Variants in TNRC6A observed in about 807,000 individuals in gnomAD.
The protein encoded by TNRC6A is trinucleotide repeat-containing gene 6A protein.
A neutral mutation model predicts 221.2 loss-of-function variants in TNRC6A; 44 were observed. The ratio of observed to expected loss-of-function variants is 0.20; its 90% CI spans 0.16 to 0.26. The LOEUF (loss-of-function observed/expected upper bound fraction) is 0.26. Ranked by LOEUF, TNRC6A falls within the 10% of genes least tolerant of loss-of-function variation. The probability of loss-of-function intolerance (pLI) is 1.00; values close to 1 mark genes in which losing one functional copy is unlikely to be tolerated. For missense variants in TNRC6A, 2,199 were observed against 2,404.4 expected (o/e 0.91, Z 1.79); for synonymous variants, 847 against 838.5 (o/e 1.01, Z -0.18).
In TNRC6A at chr16:24,791,706, T is replaced by A; in HGVS notation, c.3064T>A (p.Trp1022Arg). The change falls in exon 6 of 25, where the codon TGG (tryptophan) becomes AGG (arginine). Residue 1022 changes from tryptophan (W) to arginine (R), a missense_variant. Physicochemically the swap from Trp to Arg is moderately radical, Grantham distance 101 (BLOSUM62 -3). Around this residue, in one of 8 missense-constraint regions of TNRC6A, gnomAD observed 1,405 missense variants for 1,400.2 expected, o/e 1.00. Transcript: ENST00000395799. ...ATACAACTACAAAAATGTGAACATG[T>A]GGAACAAAAACGTCCCAAATGGCAA... The part of the protein sequence containing the change: ...SKYNYKNVNM[W>R]NKNVPNGNSR... The A allele has an allele frequency of 6.2e-7, 1 of 1,613,706 alleles. No homozygotes were observed. Among genetic ancestry groups the A allele is most frequent in the Non-Finnish European group, 8.5e-7 (1 of 1,179,870 alleles).
chr16:24,808,376 A>G (rs1431086132), intron 17 of TNRC6A, among the ~76,000 whole-genome samples: 1 of 152,192 alleles, frequency 6.6e-6, no homozygotes, highest in African/African-American at 2.4e-5. Flanking sequence ...CCTGTTGGCC[A>G]AATTTGGCCC....
At chr16:24,614,720 C>A (rs978030572) in intron 1 of TNRC6A, among the ~76,000 whole-genome samples, 2 of 152,156 alleles carry the variant, frequency 1.3e-5, no homozygotes, top group Non-Finnish European at 2.9e-5. Context: ...GCAAAGGCCC[C>A]CAGGCAGGAA....
At chr16:24,624,656 T>C (rs970056650) in intron 1 of TNRC6A, among the ~76,000 whole-genome samples, 1 of 152,114 alleles carries the variant, frequency 6.6e-6, no homozygotes, top group African/African-American at 2.4e-5. Context: ...TTTCTTATTA[T>C]ATTTTTTCTA....
intron 2 of TNRC6A, among the ~76,000 whole-genome samples, chr16:24,680,713 CAAAA>C (rs560768377): frequency 7.6e-5 from 9 of 118,202 alleles, no homozygotes; most frequent in Admixed American, 2.7e-4. Flanking sequence ...AAGACTCCAT[CAAAA>C]AAAAAAAAAA....
chr16:24,774,448 C>T (rs942651290), intron 4 of TNRC6A, among the ~76,000 whole-genome samples: 1 of 152,190 alleles, frequency 6.6e-6, no homozygotes, highest in Non-Finnish European at 1.5e-5. Flanking sequence ...TACTTGAGTT[C>T]ATGCCTTCAT....
At chr16:24,785,752 C>T (rs1241713985) in intron 5 of TNRC6A, among the ~76,000 whole-genome samples, 1 of 152,082 alleles carries the variant, frequency 6.6e-6, no homozygotes, top group African/African-American at 2.4e-5. Context: ...GTTTTGTTTT[C>T]GATGGCCAAT....
At chr16:24,640,087 T>A (rs1267742530) in intron 1 of TNRC6A, among the ~76,000 whole-genome samples, 15 of 152,072 alleles carry the variant, frequency 9.9e-5, no homozygotes, top group Admixed American at 9.8e-4. Context: ...TGGGGGAGTC[T>A]TGAATAAAAG....
At chr16:24,779,259 G>GTTT (rs985850430) in intron 5 of TNRC6A, among the ~76,000 whole-genome samples, 4 of 152,268 alleles carry the variant, frequency 2.6e-5, no homozygotes, top group African/African-American at 9.6e-5. Context: ...GGAGGCTAAG[G>GTTT]TGGAAGTGAG....
At chr16:24,632,104 G>C (rs2141682534) in intron 1 of TNRC6A, among the ~76,000 whole-genome samples, 1 of 152,168 alleles carries the variant, frequency 6.6e-6, no homozygotes, top group South Asian at 2.1e-4. Flanking sequence ...TCCTGCCTCT[G>C]CCTCCCAAAG....
chr16:24,781,068 T>TTTG (rs2057834488), intron 5 of TNRC6A, among the ~76,000 whole-genome samples: 2 of 145,556 alleles, frequency 1.4e-5, no homozygotes, highest in African/African-American at 2.6e-5. Flanking sequence ...TTTTTTTTTT[T>TTTG]GGAGGAGACA....
chr16:24,816,919 T>G lies in TNRC6A; in HGVS notation c.4935T>G (p.Thr1645=), dbSNP rs775657313. ...GSVINNLSIN[T]VREVDHLRDR... is the part of the protein sequence containing the mutation. ...TCATAAACAATCTTTCAATTAATAC[T>G]GTGCGGGAAGTTGACCACCTCAGGG... The change falls in exon 20 of 25, where the codon ACT becomes ACG. Residue 1645 remains threonine (T), a synonymous_variant. Coordinates refer to ENST00000395799, the MANE Select transcript of TNRC6A (RefSeq NM_014494.4). 6.2e-7 allele frequency: 1 copy of G among 1,614,074 alleles called. No homozygotes were observed. Among genetic ancestry groups the G allele is most frequent in the Non-Finnish European group, 8.5e-7 (1 of 1,180,028 alleles).
intron 1 of TNRC6A, among the ~76,000 whole-genome samples, chr16:24,639,294 G>A (rs12448773): frequency 0.46 from 69,372 of 151,882 alleles, 16,164 homozygotes; most frequent in Middle Eastern, 0.54. Flanking sequence ...AGGCCAGCCT[G>A]GATGACATAT....
At chr16:24,743,234 G>T (rs969687414) in intron 2 of TNRC6A, among the ~76,000 whole-genome samples, 6 of 152,162 alleles carry the variant, frequency 3.9e-5, no homozygotes, top group African/African-American at 1.4e-4. Flanking sequence ...TTTGTAAATT[G>T]TAGGTGTTTC....
chr16:24,652,232 T>G (rs1902712882), intron 2 of TNRC6A, among the ~76,000 whole-genome samples: 1 of 152,114 alleles, frequency 6.6e-6, no homozygotes, highest in Admixed American at 6.6e-5. Flanking sequence ...GAAAGGAAAC[T>G]CTTGATCAAA....
At chr16:24,814,253 G>A (rs16974077) in intron 18 of TNRC6A, among the ~76,000 whole-genome samples, 4,575 of 152,060 alleles carry the variant, frequency 0.03, 238 homozygotes, top group African/African-American at 0.1. Flanking sequence ...TGCAGGGCCC[G>A]GCTGTGTGTT....
At chr16:24,620,856 C>T (rs543896481) in intron 1 of TNRC6A, among the ~76,000 whole-genome samples, 5 of 151,494 alleles carry the variant, frequency 3.3e-5, no homozygotes, top group African/African-American at 1.2e-4. Flanking sequence ...GAGGCCGAGG[C>T]GGGTGGATCA....
intron 11 of TNRC6A, chr16:24,803,656 T>G (rs907777787): frequency 1.3e-5 from 2 of 152,774 alleles, no homozygotes; most frequent in African/African-American, 4.8e-5. Flanking sequence ...TCCTAGCACA[T>G]TGGGAGGCCG....
At chr16:24,633,772 T>C (rs1481383390) in intron 1 of TNRC6A, among the ~76,000 whole-genome samples, 1 of 144,612 alleles carries the variant, frequency 6.9e-6, no homozygotes, top group African/African-American at 2.6e-5. Context: ...CATTAAGGTA[T>C]AGAATTTATC....
rs749791650 is a variant in TNRC6A, at chr16:24,732,665, A to C, written c.53+2365A>C. ...ACCCACAGATGCATGCAATACTTCT[A>C]GATCAGTTTTTTCATCTGGGCACTT... is the stretch of plus-strand genomic sequence containing the variant. On this transcript the variant is annotated intron_variant, in intron 2 of 24. Coordinates refer to ENST00000395799, the MANE Select transcript of TNRC6A (RefSeq NM_014494.4). Among the ~76,000 whole-genome samples the C allele has an allele frequency of 1.4e-4, 22 of 152,304 alleles. 1 individual carries two copies. The highest frequency in any genetic ancestry group is 6.8e-3 in the Middle Eastern group (2 of 294).
Sources: allele counts gnomAD v4.1 joint callset (sites outside exome capture counted in the v4.1 genomes callset), GRCh38; gene constraint gnomAD v4.1.1; regional missense constraint gnomAD v4.1.1; transcripts MANE v1.5; gene names NCBI Gene and HGNC (gene_info 2026-07-23, HGNC 2026-07-21).